The following ACSL5 variants were observed in gnomAD, a reference collection of about 807,000 sequenced individuals.
The protein encoded by ACSL5 is acyl-CoA synthetase long chain family member 5, also known as long-chain-fatty-acid--CoA ligase 5.
In ACSL5, 50 loss-of-function variants were observed where a neutral mutation model predicts 84.9. The ratio of observed to expected loss-of-function variants is 0.59; its 90% CI spans 0.47 to 0.75. The LOEUF is 0.75. ACSL5 is among the 30% of genes least tolerant of loss of function. ACSL5 has a pLI of 0.00. For synonymous variants in ACSL5, 280 were observed against 300.7 expected, an observed-to-expected ratio of 0.93 and a Z score of 0.71; for missense variants, 775 against 830.4, an observed-to-expected ratio of 0.93 and a Z score of 0.82.
chr10:112,375,895 G>A (rs141495735), intron 1 of ACSL5, among the ~76,000 whole-genome samples: 3 of 152,302 alleles, frequency 2.0e-5, no homozygotes, highest in African/African-American at 7.2e-5. Context: ...GGGTCTGAGG[G>A]CTGAGGTACC....
chr10:112,409,991 T>G (rs1844142032), intron 7 of ACSL5: 1 of 208,252 alleles, frequency 4.8e-6, no homozygotes, highest in Non-Finnish European at 8.4e-6. Flanking sequence ...GCATGCCAGC[T>G]CCACATCTGT....
At chr10:112,415,171 C>G (rs185915695) in intron 12 of ACSL5, among the ~76,000 whole-genome samples, 4 of 152,198 alleles carry the variant, frequency 2.6e-5, no homozygotes, top group Admixed American at 2.6e-4. Context: ...ACCTAATACA[C>G]AGTTCACTTC....
intron 3 of ACSL5, 98 bp downstream of exon 3, chr10:112,399,107 A>T (rs1319322672): frequency 6.0e-6 from 6 of 993,394 alleles, no homozygotes; most frequent in Non-Finnish European, 7.9e-6. Context: ...AGCTATTTAG[A>T]TGCAGTGATC....
At position 112,416,470 on chromosome 10, in the gene ACSL5, CAAAA is replaced by C. The variant is rs35770074; in HGVS notation, c.1084-396_1084-393del. On this transcript the variant is annotated intron_variant, in intron 12 of 20. Transcript: ENST00000354655. Reference sequence around the variant, plus strand: ...TGGGCGACAGAGCGAGACTCTGTCTCAAAAAAAAAAAAAAAAAAAAAAAAATCAG... The same window carrying C: ...TGGGCGACAGAGCGAGACTCTGTCTCAAAAAAAAAAAAAAAAAAAAATCAG... Among the ~76,000 whole-genome samples the C allele has an allele frequency of 7.5e-3, 437 of 58,376 alleles. 1 individual carries two copies. Among genetic ancestry groups the C allele is most frequent in the African/African-American group, 0.028 (421 of 15,042 alleles). The allele number at this position is 58,376 out of a possible 152,430, so 38.3% of individuals were successfully genotyped here.
At chr10:112,420,097 C>T (rs1313392417) in intron 14 of ACSL5, 1 of 152,188 alleles carries the variant, frequency 6.6e-6, no homozygotes, top group Non-Finnish European at 1.5e-5. Context: ...GGCCTGAGGT[C>T]CTTCAAATTA....
intron 1 of ACSL5, among the ~76,000 whole-genome samples, chr10:112,392,169 A>T (rs1589677213): frequency 6.6e-6 from 1 of 152,220 alleles, no homozygotes; most frequent in South Asian, 2.1e-4. Context: ...GAAAAAGCCC[A>T]GATAAAATAT....
At chr10:112,418,517 G>C (rs1281475017) in intron 14 of ACSL5, among the ~76,000 whole-genome samples, 1 of 152,102 alleles carries the variant, frequency 6.6e-6, no homozygotes, top group Non-Finnish European at 1.5e-5. Context: ...GGCAGGTGGA[G>C]CTTGCAGTGA....
At chr10:112,419,846 T>A (rs1844413941) in intron 14 of ACSL5, 2 of 152,226 alleles carry the variant, frequency 1.3e-5, no homozygotes, top group African/African-American at 2.4e-5. Flanking sequence ...TTCATAAGAC[T>A]GTTTCACCCT....
chr10:112,399,910 A>C (rs1267677573), intron 3 of ACSL5, among the ~76,000 whole-genome samples: 2 of 152,258 alleles, frequency 1.3e-5, no homozygotes, highest in Admixed American at 6.5e-5. Context: ...ATAGAACTAG[A>C]AAATGTCAGA....
intron 1 of ACSL5, among the ~76,000 whole-genome samples, chr10:112,383,913 C>T (rs1368460674): frequency 5.3e-5 from 8 of 152,084 alleles, no homozygotes; most frequent in African/African-American, 1.9e-4. Flanking sequence ...AACTCATCCA[C>T]CAGGCGCGGT....
rs187557831 is a variant in ACSL5 at position 112,426,251 on chromosome 10, T to A, written c.1738-7T>A. On this transcript the variant is annotated splice_polypyrimidine_tract_variant and splice_region_variant and intron_variant, in intron 18 of 20. Transcript: ENST00000354655. Reference sequence around the variant, plus strand: ...ATGCCCTTGCACCTTTTATTTCCTTTCCATAGTCATCCTTAGTAGGAGTGG... The same window carrying A: ...ATGCCCTTGCACCTTTTATTTCCTTACCATAGTCATCCTTAGTAGGAGTGG... 12 of 1,612,628 alleles carry A rather than the reference T, an allele frequency of 7.4e-6. No individual in the cohort carries two copies. The East Asian group carries it at 2.7e-4, about 36-fold the overall frequency.
In ACSL5 at chr10:112,386,174, T is replaced by C. The variant is rs1025967829; in HGVS notation, c.-29-8744T>C. On this transcript the variant is annotated intron_variant, in intron 1 of 20. Transcript: ENST00000354655. The stretch of plus-strand genomic sequence containing the variant: ...CTATTCATGACCAATAGAAAACTCC[T>C]ATAGCTCTTTTTTTTTTTTTTTTTT... Among the ~76,000 whole-genome samples, 3 of 142,168 alleles carry C rather than the reference T, an allele frequency of 2.1e-5. No homozygotes were observed. In the East Asian group the frequency reaches 6.4e-4, roughly 31 times the overall value. 93.3% of individuals were successfully genotyped at this position (142,168 alleles called of 152,430 possible). A position where few individuals can be genotyped will look rare whatever the true frequency, so the allele number is the denominator to read the frequency against.
intron 1 of ACSL5, chr10:112,375,655 G>C (rs754924340): frequency 2.0e-5 from 3 of 152,240 alleles, no homozygotes; most frequent in Non-Finnish European, 4.4e-5. Flanking sequence ...TCAAAAATGA[G>C]ACTAATACAG....
chr10:112,392,542 C>A (rs931065558), intron 1 of ACSL5, among the ~76,000 whole-genome samples: 2 of 152,088 alleles, frequency 1.3e-5, no homozygotes, highest in Non-Finnish European at 2.9e-5. Flanking sequence ...GAGATCGAGA[C>A]CATCCTGGCC....
In ACSL5 at chr10:112,397,256, G is replaced by A. The variant is rs565018638; in HGVS notation, c.157-1645G>A. On this transcript the variant is annotated intron_variant, in intron 2 of 20. Coordinates refer to ENST00000354655, the MANE Select transcript of ACSL5 (RefSeq NM_203379.2). ...GTGATCTTGGCTCACTGCAACCTCC[G>A]CTTCCCAGGTTCAAGCGATTCTCCT... is the stretch of plus-strand genomic sequence containing the variant. 3.1e-4 allele frequency among the ~76,000 whole-genome samples: 47 copies of A among 150,098 alleles called. No individual in the cohort carries two copies. In the South Asian group the frequency reaches 8.4e-3, roughly 27 times the overall value.
At chr10:112,379,723 C>T (rs1371907949) in intron 1 of ACSL5, among the ~76,000 whole-genome samples, 2 of 152,100 alleles carry the variant, frequency 1.3e-5, no homozygotes, top group Non-Finnish European at 2.9e-5. Context: ...AAGTAACTGT[C>T]CCCAGGGCTA....
At chr10:112,410,425 A>C (rs943266792) in intron 7 of ACSL5, 38 bp from the exon 8 acceptor site, 5 of 1,613,378 alleles carry the variant, frequency 3.1e-6, no homozygotes, top group African/African-American at 1.3e-5. Flanking sequence ...TGTCCATCTC[A>C]ACTAATGTCT....
At chr10:112,419,810 A>G (rs1265473523) in intron 14 of ACSL5, 2 of 152,228 alleles carry the variant, frequency 1.3e-5, no homozygotes, top group African/African-American at 4.8e-5. Context: ...TAAACTGCTT[A>G]GACAGGACTT....
intron 3 of ACSL5, among the ~76,000 whole-genome samples, chr10:112,399,510 A>G (rs1438919647): frequency 5.3e-5 from 8 of 152,164 alleles, no homozygotes; most frequent in Non-Finnish European, 7.3e-5. Context: ...CAAAGTTAGC[A>G]CTTCTTTGGA....
Sources: gnomAD v4.1 joint callset for allele counts (sites outside exome capture counted in the v4.1 genomes callset) on GRCh38, gnomAD v4.1.1 for gene constraint, MANE v1.5 for transcripts, NCBI Gene and HGNC (gene_info 2026-07-23, HGNC 2026-07-21) for gene names.